CARMIL1: variants seen among roughly 807,000 people sequenced by gnomAD.
CARMIL1 encodes F-actin-uncapping protein LRRC16A.
In CARMIL1, 90 loss-of-function variants were observed where a neutral mutation model predicts 177.1. The observed-to-expected ratio is 0.51, with a 90% CI of 0.43 to 0.61. The LOEUF (loss-of-function observed/expected upper bound fraction) is 0.61. Ranked by LOEUF, CARMIL1 falls within the 20% of genes least tolerant of loss-of-function variation. The pLI is 0.00. For missense variants in CARMIL1, 1,380 were observed against 1,667.0 expected (o/e 0.83, Z 3.00); for synonymous variants, 577 against 606.2 (o/e 0.95, Z 0.71).
chr6:25,483,158 C>G (rs1802282458), intron 12 of CARMIL1, among the ~76,000 whole-genome samples: 1 of 152,158 alleles, frequency 6.6e-6, no homozygotes, highest in Admixed American at 6.5e-5. Context: ...CTGGGGCTCT[C>G]CTTGTGGCCT....
chr6:25,447,943 C>T (rs1237896629), intron 5 of CARMIL1, among the ~76,000 whole-genome samples: 3 of 152,056 alleles, frequency 2.0e-5, no homozygotes, highest in African/African-American at 7.2e-5. Flanking sequence ...TTTTCTGACA[C>T]ACCCACCTGG....
In CARMIL1 at chr6:25,460,869, T is replaced by C. The variant is rs118082583; in HGVS notation, c.615-5004T>C. 2.6e-5 allele frequency among the ~76,000 whole-genome samples: 4 copies of C among 152,316 alleles called. No individual in the cohort carries two copies. The East Asian group carries it at 7.7e-4, about 29-fold the overall frequency. Reference sequence around the variant, plus strand: ...CAGATGTGTACTAGGATGGAAATCATTGTAAATTTAACCACTTATGTCCAC... The same window carrying C: ...CAGATGTGTACTAGGATGGAAATCACTGTAAATTTAACCACTTATGTCCAC... On this transcript the variant is annotated intron_variant, in intron 8 of 36. Transcript: ENST00000329474.
chr6:25,586,508 C>T lies in CARMIL1; in HGVS notation c.3006+5069C>T, dbSNP rs551660234. ...GCAGAGGGGCTCCTCACATCCCAGA[C>T]GATGGGCGGCCAGGCAGAGACGCTC... On this transcript the variant is annotated intron_variant, in intron 31 of 36. Transcript: ENST00000329474. 5.9e-4 allele frequency among the ~76,000 whole-genome samples: 80 copies of T among 136,040 alleles called. No homozygotes were observed. In the East Asian group the frequency reaches 0.011, roughly 19 times the overall value. The allele number at this position is 136,040 out of a possible 152,430, so 89.2% of individuals were successfully genotyped here. A position where few individuals can be genotyped will look rare whatever the true frequency, so the allele number is the denominator to read the frequency against.
intron 2 of CARMIL1, among the ~76,000 whole-genome samples, chr6:25,313,255 G>GC (rs1353331712): frequency 6.6e-6 from 1 of 152,090 alleles, no homozygotes; most frequent in African/African-American, 2.4e-5. Flanking sequence ...CTGAAGTTTT[G>GC]CCTAGAGGGA....
At chr6:25,619,052 G>A (rs1259648170) in intron 36 of CARMIL1, among the ~76,000 whole-genome samples, 2 of 152,180 alleles carry the variant, frequency 1.3e-5, no homozygotes, top group Non-Finnish European at 2.9e-5. Context: ...TGTCTGCCCT[G>A]TTCTCTGTGC....
In CARMIL1 at chr6:25,537,960, C is replaced by A. The variant is rs12527029; in HGVS notation, c.2173C>A (p.Arg725Ser). The change falls in exon 25 of 37, where the codon CGT (arginine) becomes AGT (serine). Residue 725 changes from arginine (R) to serine (S), a missense_variant. Coordinates refer to ENST00000329474, the MANE Select transcript of CARMIL1 (RefSeq NM_017640.6). ...EDLKSAERLM[R>S]DAKNSKTLLP... The stretch of plus-strand genomic sequence containing the variant: ...TTTAAAATCAGCAGAGCGGCTCATG[C>A]GTGATGCTAAGAACTCTAAAACGGT... 7.7e-3 allele frequency: 12,405 copies of A among 1,603,184 alleles called. 189 individuals are homozygous for A. Among genetic ancestry groups the A allele is most frequent in the African/African-American group, 0.06 (4,479 of 74,854 alleles).
chr6:25,332,567 T>C (rs1409664606), intron 2 of CARMIL1, among the ~76,000 whole-genome samples: 3 of 152,134 alleles, frequency 2.0e-5, no homozygotes, highest in South Asian at 4.1e-4. Context: ...ATACTGACTT[T>C]TGCTGAAACT....
chr6:25,543,115 C>T (rs1248192477), intron 26 of CARMIL1, among the ~76,000 whole-genome samples: 1 of 152,068 alleles, frequency 6.6e-6, no homozygotes, highest in Non-Finnish European at 1.5e-5. Context: ...AGATTTGTGT[C>T]CTGGGCTTCC....
intron 29 of CARMIL1, among the ~76,000 whole-genome samples, chr6:25,561,729 G>C (rs973061406): frequency 2.6e-5 from 4 of 152,046 alleles, no homozygotes; most frequent in African/African-American, 7.2e-5. Context: ...CTATTCACAG[G>C]GTCGCCAAGC....
intron 2 of CARMIL1, among the ~76,000 whole-genome samples, chr6:25,357,073 T>C (rs543825660): frequency 6.8e-6 from 1 of 146,804 alleles, no homozygotes; most frequent in South Asian, 2.2e-4. Flanking sequence ...CAGAAGTCAT[T>C]GTGTTTTTTT....
chr6:25,311,877 G>A (rs533414931), intron 2 of CARMIL1, among the ~76,000 whole-genome samples: 251 of 152,276 alleles, frequency 1.6e-3, no homozygotes, highest in Non-Finnish European at 2.9e-3. Flanking sequence ...TCCCACTCTC[G>A]ATTACTAGCC....
intron 2 of CARMIL1, among the ~76,000 whole-genome samples, chr6:25,347,669 T>G (rs1787659124): frequency 1.3e-5 from 2 of 152,238 alleles, no homozygotes; most frequent in Admixed American, 1.3e-4. Flanking sequence ...AAAGTTCCCA[T>G]ATACCCTTTA....
At position 25,588,946 on chromosome 6, in the gene CARMIL1, C is replaced by T. The variant is rs182341829; in HGVS notation, c.3007-5469C>T. Among the ~76,000 whole-genome samples, 40 of 152,312 alleles carry T rather than the reference C, an allele frequency of 2.6e-4. No homozygotes were observed. In the East Asian group the frequency reaches 6.0e-3, roughly 23 times the overall value. ...TATCAGTCAGTTTGCCATATATTCT[C>T]GGCATAGGGCATAGCCCCACACTAG... On this transcript the variant is annotated intron_variant, in intron 31 of 36. Transcript: ENST00000329474.
chr6:25,388,599 T>G (rs992903134), intron 2 of CARMIL1, among the ~76,000 whole-genome samples: 9 of 152,018 alleles, frequency 5.9e-5, no homozygotes, highest in Non-Finnish European at 1.3e-4. Context: ...CTCCTGACCT[T>G]GTGATCCACC....
chr6:25,410,266 C>T lies in CARMIL1; in HGVS notation c.139-9848C>T, dbSNP rs527349441. On this transcript the variant is annotated intron_variant, in intron 2 of 36. Coordinates refer to ENST00000329474, the MANE Select transcript of CARMIL1 (RefSeq NM_017640.6). ...GGCTTGAGAAGATGAGAATGTAAGGCCAAGAAACACAGACAAGTTGAAATG... is the reference window on the plus strand; with the variant it reads ...GGCTTGAGAAGATGAGAATGTAAGGTCAAGAAACACAGACAAGTTGAAATG... Among the ~76,000 whole-genome samples the T allele has an allele frequency of 2.6e-5, 4 of 152,194 alleles. No individual in the cohort carries two copies. The South Asian group carries it at 8.3e-4, about 32-fold the overall frequency.
In CARMIL1 at chr6:25,604,847, C is replaced by T; in HGVS notation, c.3588C>T (p.Ser1196=). ...ATGATGCCGTATCCCAGGATTCTTC[C>T]AGCCCAGCTTTGAGCGGCGTAGAAC... ...LGNDAVSQDS[S]SPALSGVERS... Residue 1196 remains serine, a synonymous_variant, in exon 34 of 37, where the codon TCC becomes TCT. Transcript: ENST00000329474. 1 of 1,597,996 alleles carries T rather than the reference C, an allele frequency of 6.3e-7. No homozygotes were observed.
chr6:25,280,587 GTT>G (rs780841300), intron 1 of CARMIL1, among the ~76,000 whole-genome samples: 2 of 139,708 alleles, frequency 1.4e-5, no homozygotes, highest in Admixed American at 7.2e-5. Context: ...GTACCTTGAG[GTT>G]TTTTTTTTTT....
At chr6:25,311,530 A>G (rs1256895403) in intron 2 of CARMIL1, among the ~76,000 whole-genome samples, 3 of 145,516 alleles carry the variant, frequency 2.1e-5, no homozygotes, top group Non-Finnish European at 4.5e-5. Flanking sequence ...AGGCTGTAGG[A>G]TATATAGAGC....
intron 31 of CARMIL1, 47 bp downstream of exon 31, chr6:25,581,486 T>C: frequency 6.6e-7 from 1 of 1,518,456 alleles, no homozygotes; most frequent in Non-Finnish European, 8.8e-7. Flanking sequence ...ACCCTTTTCT[T>C]CTCTGGGGAA....
Sources: gnomAD v4.1 joint callset for allele counts (sites outside exome capture counted in the v4.1 genomes callset) on GRCh38, gnomAD v4.1.1 for gene constraint, MANE v1.5 for transcripts, NCBI Gene and HGNC (gene_info 2026-07-23, HGNC 2026-07-21) for gene names.